NRXN3: variants seen among roughly 807,000 people sequenced by gnomAD.
The protein encoded by NRXN3 is neurexin 3.
In NRXN3, 32 loss-of-function variants were observed where a neutral mutation model predicts 137.6. The ratio of observed to expected loss-of-function variants is 0.23; its 90% CI spans 0.18 to 0.31. The LOEUF is 0.31. Ranked by LOEUF, NRXN3 falls within the 10% of genes least tolerant of loss-of-function variation. NRXN3 has a pLI of 1.00. For synonymous variants in NRXN3, 798 were observed against 784.5 expected (o/e 1.02, Z -0.29); for missense variants, 1,574 against 2,062.5 (o/e 0.76, Z 4.59).
chr14:78,826,376 G>A (rs1184536751), intron 10 of NRXN3, among the ~76,000 whole-genome samples: 1 of 152,138 alleles, frequency 6.6e-6, no homozygotes, highest in African/African-American at 2.4e-5. Context: ...AAGTGAATGA[G>A]GAAGAATCTG....
chr14:79,012,250 G>T (rs2099572495), intron 15 of NRXN3, among the ~76,000 whole-genome samples: 1 of 152,152 alleles, frequency 6.6e-6, no homozygotes, highest in South Asian at 2.1e-4. Flanking sequence ...TGTATCCAAG[G>T]TCACGTTGGC....
chr14:79,673,621 C>T (rs1216874215), intron 17 of NRXN3, among the ~76,000 whole-genome samples: 2 of 152,052 alleles, frequency 1.3e-5, no homozygotes, highest in African/African-American at 4.8e-5. Context: ...TTTCTTTATG[C>T]ACTTATTCAT....
At chr14:79,292,313 C>T (rs1216128712) in intron 15 of NRXN3, among the ~76,000 whole-genome samples, 1 of 152,180 alleles carries the variant, frequency 6.6e-6, no homozygotes, top group African/African-American at 2.4e-5. Context: ...TGAGGGACCC[C>T]CTCTCCTTTG....
At chr14:78,827,963 A>G (rs1485798528) in intron 10 of NRXN3, among the ~76,000 whole-genome samples, 1 of 152,182 alleles carries the variant, frequency 6.6e-6, no homozygotes, top group Non-Finnish European at 1.5e-5. Flanking sequence ...TCATTGTGCT[A>G]TGGTTTGGTA....
chr14:79,655,806 C>A (rs1482313919), intron 16 of NRXN3, among the ~76,000 whole-genome samples: 1 of 151,984 alleles, frequency 6.6e-6, no homozygotes, highest in South Asian at 2.1e-4. Context: ...GCCAAATGTC[C>A]CTGGAGATAA....
At chr14:78,419,631 A>G (rs1049518611) in intron 4 of NRXN3, among the ~76,000 whole-genome samples, 39 of 152,122 alleles carry the variant, frequency 2.6e-4, no homozygotes, top group Non-Finnish European at 7.3e-5. Context: ...ATCATCTTCA[A>G]ATGCAAAGAC....
intron 16 of NRXN3, among the ~76,000 whole-genome samples, chr14:79,637,823 G>A (rs1402559606): frequency 7.0e-6 from 1 of 143,310 alleles, no homozygotes; most frequent in Non-Finnish European, 1.5e-5. Context: ...TCCACCTCCT[G>A]GGTTCAAGCG....
At chr14:78,851,450 G>A (rs894533022) in intron 10 of NRXN3, among the ~76,000 whole-genome samples, 3 of 152,160 alleles carry the variant, frequency 2.0e-5, no homozygotes, top group African/African-American at 7.2e-5. Context: ...AGAGAGTGTG[G>A]CCTAGATCTC....
At chr14:79,380,149 C>CT (rs949863265) in intron 15 of NRXN3, among the ~76,000 whole-genome samples, 229 of 48,936 alleles carry the variant, frequency 4.7e-3, no homozygotes, top group East Asian at 0.011. Context: ...TATACTTCTT[C>CT]TTTTTTTTTT....
intron 14 of NRXN3, among the ~76,000 whole-genome samples, chr14:78,969,887 G>C (rs2099430706): frequency 6.6e-6 from 1 of 151,012 alleles, no homozygotes; most frequent in South Asian, 2.1e-4. Context: ...GAATCACTAA[G>C]CCCTTAAAGC....
At chr14:78,669,435 A>G (rs2097915747) in intron 6 of NRXN3, among the ~76,000 whole-genome samples, 1 of 152,194 alleles carries the variant, frequency 6.6e-6, no homozygotes, top group Non-Finnish European at 1.5e-5. Context: ...CTCCGTAGGC[A>G]GAGCAGCCCT....
chr14:78,974,074 G>C (rs886626506), intron 14 of NRXN3, among the ~76,000 whole-genome samples: 1 of 151,876 alleles, frequency 6.6e-6, no homozygotes, highest in Admixed American at 6.6e-5. Flanking sequence ...TTAAATAAAA[G>C]AATATACACT....
intron 20 of NRXN3, chr14:79,853,456 TGTTAGA>T (rs2099396113): frequency 1.7e-6 from 1 of 599,082 alleles, no homozygotes; most frequent in African/African-American, 1.9e-5. Context: ...AGATTGTCAG[TGTTAGA>T]GTTCTGTTCT....
At chr14:78,892,774 C>CTGTGTGTG (rs58718552) in intron 10 of NRXN3, among the ~76,000 whole-genome samples, 4,692 of 140,100 alleles carry the variant, frequency 0.033, 110 homozygotes, top group Non-Finnish European at 0.05. Flanking sequence ...CCCCCATCTT[C>CTGTGTGTG]TGTGTGTGTG....
intron 8 of NRXN3, among the ~76,000 whole-genome samples, chr14:78,770,855 G>A (rs985694411): frequency 1.3e-5 from 2 of 152,086 alleles, no homozygotes; most frequent in African/African-American, 4.8e-5. Context: ...GGGGTTGGGG[G>A]GGGTACAGCT....
At chr14:79,072,924 C>T (rs1006019029) in intron 15 of NRXN3, among the ~76,000 whole-genome samples, 5 of 144,216 alleles carry the variant, frequency 3.5e-5, no homozygotes, top group African/African-American at 1.0e-4. Flanking sequence ...TCATTCCTGT[C>T]GCCCAGGCTG....
chr14:78,171,329 AGTGT>A (rs978343973), intron 1 of NRXN3, among the ~76,000 whole-genome samples: 3 of 132,662 alleles, frequency 2.3e-5, no homozygotes, highest in African/African-American at 8.7e-5. Context: ...GTGAAAAGGG[AGTGT>A]GTGTGTGAGT....
chr14:78,249,186 G>A (rs1221207104), intron 2 of NRXN3, among the ~76,000 whole-genome samples: 1 of 152,176 alleles, frequency 6.6e-6, no homozygotes, highest in East Asian at 1.9e-4. Context: ...GGTGAAAGCA[G>A]CCTTCTCCTT....
intron 4 of NRXN3, among the ~76,000 whole-genome samples, chr14:78,480,478 A>G (rs2095454265): frequency 6.6e-6 from 1 of 152,222 alleles, no homozygotes; most frequent in African/African-American, 2.4e-5. Context: ...TAACAAAAGT[A>G]GATTCTTATA....
Sources: gnomAD v4.1 joint callset for allele counts (sites outside exome capture counted in the v4.1 genomes callset) on GRCh38, gnomAD v4.1.1 for gene constraint, MANE v1.5 for transcripts, NCBI Gene and HGNC (gene_info 2026-07-23, HGNC 2026-07-21) for gene names.